The following KCNH1 variants were observed in gnomAD, a reference collection of about 807,000 sequenced individuals.
KCNH1 encodes the protein potassium voltage-gated channel subfamily H member 1, also known as voltage-gated delayed rectifier potassium channel KCNH1.
In KCNH1, 27 loss-of-function variants were observed where a neutral mutation model predicts 69.2. The observed-to-expected ratio is 0.39, with a 90% CI of 0.29 to 0.54. The LOEUF (loss-of-function observed/expected upper bound fraction) is 0.54, where lower values mean the gene tolerates loss of function less well. Ranked by LOEUF, KCNH1 falls within the 20% of genes least tolerant of loss-of-function variation. The probability of loss-of-function intolerance (pLI) is 0.68; values close to 1 mark genes in which losing one functional copy is unlikely to be tolerated. For missense variants in KCNH1, 798 were observed against 1,261.6 expected (o/e 0.63, Z 5.57); for synonymous variants, 456 against 487.7 (o/e 0.93, Z 0.86).
intron 4 of KCNH1, among the ~76,000 whole-genome samples, chr1:211,084,357 A>T (rs1411444288): frequency 7.3e-6 from 1 of 136,442 alleles, no homozygotes; most frequent in Non-Finnish European, 1.6e-5. Context: ...GTATGTAAAC[A>T]TCAGCAAGGG....
At chr1:210,832,311 G>A (rs985443744) in intron 7 of KCNH1, among the ~76,000 whole-genome samples, 6 of 152,164 alleles carry the variant, frequency 3.9e-5, no homozygotes, top group Non-Finnish European at 8.8e-5. Flanking sequence ...AACCTAGCCA[G>A]TAAGTGGCAT....
rs1287467258 is a variant in KCNH1 at position 210,853,970 on chromosome 1, A to AGT, written c.1463-49805_1463-49804insAC. On this transcript the variant is annotated intron_variant, in intron 7 of 10. Transcript: ENST00000271751. ...CCAAAAAAAAAAAAAAAAAAAAAAG[A>AGT]AACCAAAGTCTTATCTACTGGCATA... Among the ~76,000 whole-genome samples the AGT allele has an allele frequency of 2.0e-5, 3 of 149,336 alleles. No individual in the cohort carries two copies. In the East Asian group the frequency reaches 6.0e-4, roughly 30 times the overall value.
intron 10 of KCNH1, among the ~76,000 whole-genome samples, chr1:210,755,869 C>T (rs1429570044): frequency 6.6e-6 from 1 of 152,124 alleles, no homozygotes; most frequent in African/African-American, 2.4e-5. Flanking sequence ...AAAGAGAGAA[C>T]ATTATCAGAG....
At chr1:210,782,551 T>C (rs188330487) in intron 9 of KCNH1, among the ~76,000 whole-genome samples, 2 of 151,990 alleles carry the variant, frequency 1.3e-5, no homozygotes, top group Non-Finnish European at 2.9e-5. Context: ...TGTGGTGAAA[T>C]CCCATCTCTA....
At chr1:210,952,657 T>A (rs1375581815) in intron 6 of KCNH1, among the ~76,000 whole-genome samples, 1 of 152,030 alleles carries the variant, frequency 6.6e-6, no homozygotes, top group Non-Finnish European at 1.5e-5. Flanking sequence ...CTTTGGATAT[T>A]GTGGATCAAC....
chr1:210,842,259 A>T (rs181688322), intron 7 of KCNH1, among the ~76,000 whole-genome samples: 2 of 152,324 alleles, frequency 1.3e-5, no homozygotes, highest in African/African-American at 2.4e-5. Flanking sequence ...TAAGACATGA[A>T]ATTATTCCTT....
chr1:210,865,439 C>T (rs546977425), intron 7 of KCNH1, among the ~76,000 whole-genome samples: 3 of 152,080 alleles, frequency 2.0e-5, no homozygotes, highest in African/African-American at 7.2e-5. Flanking sequence ...TGTTAAAACT[C>T]AAAGCTCATA....
chr1:210,862,401 T>A (rs1484127436), intron 7 of KCNH1: 2 of 587,556 alleles, frequency 3.4e-6, no homozygotes, highest in Admixed American at 2.5e-5. Flanking sequence ...AATGGTGCAA[T>A]CTTAACTCAC....
intron 10 of KCNH1, among the ~76,000 whole-genome samples, chr1:210,712,134 T>C (rs553341394): frequency 6.6e-6 from 1 of 152,134 alleles, no homozygotes; most frequent in Admixed American, 6.5e-5. Flanking sequence ...TGAGATGAAG[T>C]GGCCAGAAAA....
rs528293469 is a variant in KCNH1, at chr1:211,032,910, T to C, written c.559-13654A>G. Among the ~76,000 whole-genome samples, 4 of 152,210 alleles carry C rather than the reference T, an allele frequency of 2.6e-5. No individual in the cohort carries two copies. In the East Asian group the frequency reaches 7.7e-4, roughly 29 times the overall value. ...GTCAACAAAAGCCAAAATTGACAAA[T>C]GGGATCTAATTAAACTAAAGAGCTT... is the stretch of plus-strand genomic sequence containing the variant. On this transcript the variant is annotated intron_variant, in intron 5 of 10. Coordinates refer to ENST00000271751, the MANE Select transcript of KCNH1 (RefSeq NM_172362.3).
At chr1:211,078,939 A>G (rs1297965158) in intron 5 of KCNH1, among the ~76,000 whole-genome samples, 1 of 146,610 alleles carries the variant, frequency 6.8e-6, no homozygotes, top group African/African-American at 2.5e-5. Flanking sequence ...AAAAAAAAAG[A>G]AAGAAAGAAA....
At chr1:210,981,372 C>CAAAAAAAAAAAAAAAAAAA (rs10684074) in intron 6 of KCNH1, among the ~76,000 whole-genome samples, 1 of 85,492 alleles carries the variant, frequency 1.2e-5, no homozygotes. Flanking sequence ...GTAACAACGA[C>CAAAAAAAAAAAAAAAAAAA]AAAAAAAAAA....
intron 1 of KCNH1, among the ~76,000 whole-genome samples, chr1:211,115,726 TATATAC>T (rs778476896): frequency 0.16 from 19,899 of 126,438 alleles, 1,995 homozygotes; most frequent in African/African-American, 0.32. Flanking sequence ...TGTATATATA[TATATAC>T]ACACACACAC....
rs144706702 is a variant in KCNH1 at position 210,684,141 on chromosome 1, GGAGAGA to G, written c.2113-9_2113-4del. On this transcript the variant is annotated splice_region_variant and splice_polypyrimidine_tract_variant and intron_variant, in intron 10 of 10. Transcript: ENST00000271751. The stretch of plus-strand genomic sequence containing the variant: ...TCGCTGATCTTCCGGAACACAATCT[GGAGAGA>G]GAGAGAGAGAGAATGACATGGCGTG... 8.2e-5 allele frequency: 105 copies of G among 1,281,580 alleles called. No homozygotes were observed. Among genetic ancestry groups the G allele is most frequent in the Admixed American group, 3.3e-4 (13 of 39,356 alleles). The allele number at this position is 1,281,580 out of a possible 1,614,324, so 79.4% of individuals were successfully genotyped here. A position where few individuals can be genotyped will look rare whatever the true frequency, so the allele number is the denominator to read the frequency against.
chr1:210,847,201 A>G (rs1252707471), intron 7 of KCNH1, among the ~76,000 whole-genome samples: 1 of 152,176 alleles, frequency 6.6e-6, no homozygotes, highest in East Asian at 1.9e-4. Context: ...AACTAGAAAT[A>G]CCATTTGACC....
At chr1:211,010,982 CTT>C (rs953911577) in intron 6 of KCNH1, among the ~76,000 whole-genome samples, 1 of 151,232 alleles carries the variant, frequency 6.6e-6, no homozygotes, top group Non-Finnish European at 1.5e-5. Context: ...GTGCTAAACT[CTT>C]TTTTTTTAAT....
At chr1:210,697,519 A>G (rs916616513) in intron 10 of KCNH1, among the ~76,000 whole-genome samples, 7 of 152,240 alleles carry the variant, frequency 4.6e-5, no homozygotes, top group African/African-American at 7.2e-5. Flanking sequence ...TGTGAGATGC[A>G]TTGATTTCAA....
chr1:210,938,159 A>C (rs115319775), intron 6 of KCNH1, among the ~76,000 whole-genome samples: 39 of 152,316 alleles, frequency 2.6e-4, no homozygotes, highest in African/African-American at 8.2e-4. Context: ...CAAGTACAAA[A>C]CCAGGTATCA....
chr1:210,709,742 A>G (rs145416707), intron 10 of KCNH1, among the ~76,000 whole-genome samples: 19 of 145,024 alleles, frequency 1.3e-4, no homozygotes, highest in South Asian at 1.3e-3. Context: ...GAGAGAGAGA[A>G]AGAGAGAGAG....
Sources: gnomAD v4.1 joint callset for allele counts (sites outside exome capture counted in the v4.1 genomes callset) on GRCh38, gnomAD v4.1.1 for gene constraint, MANE v1.5 for transcripts, NCBI Gene and HGNC (gene_info 2026-07-23, HGNC 2026-07-21) for gene names.